Variants in ISX observed in about 807,000 individuals in gnomAD.
ISX encodes the protein intestine specific homeobox, also known as intestine-specific homeobox.
ISX carries 15 observed loss-of-function variants against 16.9 expected under a neutral mutation model. That is an observed-to-expected ratio of 0.89 (90% CI 0.59 to 1.36). The LOEUF (loss-of-function observed/expected upper bound fraction) is 1.36. ISX is among the 40% of genes most tolerant of loss of function. The probability of loss-of-function intolerance (pLI) is 0.00; values close to 1 mark genes in which losing one functional copy is unlikely to be tolerated. For missense variants in ISX, 316 were observed against 306.1 expected (o/e 1.03, Z -0.24); for synonymous variants, 125 against 119.7 (o/e 1.04, Z -0.29).
At chr22:35,068,720 G>T (rs984554893) in intron 2 of ISX, among the ~76,000 whole-genome samples, 4 of 152,140 alleles carry the variant, frequency 2.6e-5, no homozygotes, top group Non-Finnish European at 2.9e-5. Flanking sequence ...GGCATGTTCC[G>T]TGTCAGCTAT....
intron 2 of ISX, among the ~76,000 whole-genome samples, chr22:35,080,124 C>T (rs1332999094): frequency 6.6e-6 from 1 of 152,200 alleles, no homozygotes; most frequent in East Asian, 1.9e-4. Flanking sequence ...TCAGAGGCCT[C>T]CCCTTCTCGG....
chr22:35,076,504 C>T (rs1308855374), intron 2 of ISX, among the ~76,000 whole-genome samples: 1 of 152,186 alleles, frequency 6.6e-6, no homozygotes, highest in African/African-American at 2.4e-5. Flanking sequence ...GCCCCGCACC[C>T]CACCTTCGTG....
At chr22:35,071,302 A>C (rs1490199893) in intron 2 of ISX, among the ~76,000 whole-genome samples, 2 of 152,212 alleles carry the variant, frequency 1.3e-5, no homozygotes, top group Non-Finnish European at 2.9e-5. Flanking sequence ...TGTTGTAACA[A>C]ATTACCACAA....
intron 2 of ISX, among the ~76,000 whole-genome samples, chr22:35,081,328 G>A (rs1034564403): frequency 6.6e-6 from 1 of 152,194 alleles, no homozygotes; most frequent in African/African-American, 2.4e-5. Flanking sequence ...ACAAAGTATT[G>A]GAGGCAGGGC....
intron 2 of ISX, among the ~76,000 whole-genome samples, chr22:35,069,741 T>C (rs951861553): frequency 2.0e-5 from 3 of 152,060 alleles, no homozygotes; most frequent in African/African-American, 7.2e-5. Flanking sequence ...CGTCCCTCCT[T>C]TTGTGCAGGA....
At chr22:35,076,158 G>A (rs1302547572) in intron 2 of ISX, among the ~76,000 whole-genome samples, 1 of 151,892 alleles carries the variant, frequency 6.6e-6, no homozygotes, top group Admixed American at 6.6e-5. Flanking sequence ...ACCTCATAAA[G>A]AAATATTTGA....
rs183126236 is a variant in ISX, at chr22:35,086,018, G to A, written c.*325G>A. 4.9e-5 allele frequency: 19 copies of A among 387,346 alleles called. No individual in the cohort carries two copies. Among genetic ancestry groups the A allele is most frequent in the African/African-American group, 1.6e-4 (8 of 48,660 alleles). The allele number at this position is 387,346 out of a possible 1,614,324, so 24.0% of individuals were successfully genotyped here. On this transcript the variant is annotated 3_prime_UTR_variant, in exon 5 of 5. Transcript: ENST00000404699. ...CTAACTTGCTGTGTGACCTCCAGCC[G>A]GTCACTCACCCTCTCTGGACCTCAT...
intron 2 of ISX, among the ~76,000 whole-genome samples, chr22:35,072,270 C>A (rs1342415098): frequency 1.3e-5 from 2 of 152,042 alleles, no homozygotes. Context: ...CCCCTACCTG[C>A]AAAAAAGAGC....
rs1271294525 is a variant in ISX at position 35,066,902 on chromosome 22, T to C, written c.-186T>C. 1 of 584,718 alleles carries C rather than the reference T, an allele frequency of 1.7e-6. No homozygotes were observed. Among genetic ancestry groups the C allele is most frequent in the Non-Finnish European group, 3.0e-6 (1 of 328,864 alleles). The allele number at this position is 584,718 out of a possible 1,614,324, so 36.2% of individuals were successfully genotyped here. A position where few individuals can be genotyped will look rare whatever the true frequency, so the allele number is the denominator to read the frequency against. On this transcript the variant is annotated 5_prime_UTR_variant, in exon 2 of 5. Coordinates refer to ENST00000404699, the MANE Select transcript of ISX (RefSeq NM_001303508.2). ...GGCACAGGATACCACTCCTTCCAGCTCTTCTGCTGTGACCTGCCCATGGAA... is the reference window on the plus strand; with the variant it reads ...GGCACAGGATACCACTCCTTCCAGCCCTTCTGCTGTGACCTGCCCATGGAA...
chr22:35,078,572 T>C (rs1929045853), intron 2 of ISX, among the ~76,000 whole-genome samples: 1 of 152,154 alleles, frequency 6.6e-6, no homozygotes. Flanking sequence ...CACAGGCCAA[T>C]AACTCACTCT....
chr22:35,078,168 A>ATT (rs5845208), intron 2 of ISX, among the ~76,000 whole-genome samples: 46,395 of 145,406 alleles, frequency 0.32, 8,294 homozygotes, highest in Admixed American at 0.46. Context: ...CCCTTTTGTA[A>ATT]TTTTTTTTTT....
chr22:35,075,780 C>T (rs548636637), intron 2 of ISX, among the ~76,000 whole-genome samples: 30 of 152,232 alleles, frequency 2.0e-4, no homozygotes, highest in African/African-American at 6.3e-4. Flanking sequence ...CCAGTCACCC[C>T]GGGGAGTGGC....
intron 2 of ISX, among the ~76,000 whole-genome samples, chr22:35,067,568 C>T (rs1047690931): frequency 5.9e-5 from 9 of 152,194 alleles, no homozygotes; most frequent in African/African-American, 1.7e-4. Context: ...AACCAGGCCC[C>T]GGCTAAGAAT....
intron 2 of ISX, among the ~76,000 whole-genome samples, chr22:35,079,438 T>C (rs898017898): frequency 6.6e-6 from 1 of 152,176 alleles, no homozygotes; most frequent in African/African-American, 2.4e-5. Flanking sequence ...ATTTAAGACA[T>C]ATATTTGTTA....
intron 2 of ISX, among the ~76,000 whole-genome samples, chr22:35,078,577 C>T (rs962714713): frequency 6.6e-6 from 1 of 152,176 alleles, no homozygotes; most frequent in African/African-American, 2.4e-5. Context: ...GCCAATAACT[C>T]ACTCTAGTGG....
At chr22:35,069,345 G>C (rs918768196) in intron 2 of ISX, among the ~76,000 whole-genome samples, 3 of 152,164 alleles carry the variant, frequency 2.0e-5, no homozygotes, top group Non-Finnish European at 4.4e-5. Flanking sequence ...CACTGGGTGA[G>C]AAGGGCAGGG....
At chr22:35,079,293 G>A (rs549903603) in intron 2 of ISX, among the ~76,000 whole-genome samples, 1 of 152,262 alleles carries the variant, frequency 6.6e-6, no homozygotes, top group South Asian at 2.1e-4. Context: ...CCCCTCCTTT[G>A]TAGCAGCTTC....
At chr22:35,073,265 C>T (rs982012911) in intron 2 of ISX, among the ~76,000 whole-genome samples, 4 of 152,128 alleles carry the variant, frequency 2.6e-5, no homozygotes, top group Non-Finnish European at 4.4e-5. Flanking sequence ...ACAGCCACTA[C>T]GGTACTGAGT....
chr22:35,075,938 T>C (rs984503305), intron 2 of ISX, among the ~76,000 whole-genome samples: 1 of 152,128 alleles, frequency 6.6e-6, no homozygotes, highest in Non-Finnish European at 1.5e-5. Flanking sequence ...AAAATACAGA[T>C]AAAAAGGTAA....
Sources: gnomAD v4.1 joint callset for allele counts (sites outside exome capture counted in the v4.1 genomes callset) on GRCh38, gnomAD v4.1.1 for gene constraint, MANE v1.5 for transcripts, NCBI Gene and HGNC (gene_info 2026-07-23, HGNC 2026-07-21) for gene names.